BTF3L4: variants seen among roughly 807,000 people sequenced by gnomAD.
BTF3L4 encodes the protein basic transcription factor 3 like 4.
In BTF3L4, 6 loss-of-function variants were observed where a neutral mutation model predicts 16.8. That is an observed-to-expected ratio of 0.36 (90% confidence interval 0.20 to 0.71). BTF3L4 has a LOEUF of 0.71. BTF3L4 is among the 30% of genes least tolerant of loss of function. BTF3L4 has a pLI of 0.58. For synonymous variants in BTF3L4, 39 were observed against 59.8 expected (o/e 0.65, Z 1.60); for missense variants, 92 against 186.9 (o/e 0.49, Z 2.96).
At position 52,086,614 on chromosome 1, in the gene BTF3L4, T is replaced by C. The variant is rs1423815553; in HGVS notation, c.431-98T>C. On this transcript the variant is annotated intron_variant, in intron 5 of 5. Coordinates refer to ENST00000313334, the MANE Select transcript of BTF3L4 (RefSeq NM_152265.5). ...GTTTTCAGGCTAATTCTGGTTGTAC[T>C]AATTTTATTTTTTCGGGGGTTAGAA... The C allele has an allele frequency of 4.4e-6, 3 of 686,876 alleles. No individual in the cohort carries two copies. The East Asian group carries it at 8.2e-5, about 19-fold the overall frequency. 42.5% of individuals were successfully genotyped at this position (686,876 alleles called of 1,614,324 possible). A position where few individuals can be genotyped will look rare whatever the true frequency, so the allele number is the denominator to read the frequency against.
At position 52,064,939 on chromosome 1, in the gene BTF3L4, G is replaced by C; in HGVS notation, c.168+1G>C. The C allele has an allele frequency of 6.3e-7, 1 of 1,580,576 alleles. No homozygotes were observed. The highest frequency in any genetic ancestry group is 8.7e-7 in the Non-Finnish European group (1 of 1,153,492). On this transcript the variant is annotated splice_donor_variant, in intron 3 of 5. Coordinates refer to ENST00000313334, the MANE Select transcript of BTF3L4 (RefSeq NM_152265.5). LOFTEE classifies it high-confidence loss of function. ...GAATAATATAGCTGGTATTGAAGAG[G>C]TATGATCACTTTGCAAGTTGTTAAA...
intron 3 of BTF3L4, among the ~76,000 whole-genome samples, chr1:52,082,740 A>C (rs75684450): frequency 5.2e-4 from 2 of 3,810 alleles, no homozygotes; most frequent in Admixed American, 0.014. Context: ...TTCTGTCTCA[A>C]AAAAAAAAAA....
At chr1:52,080,994 C>G (rs1168979106) in intron 3 of BTF3L4, among the ~76,000 whole-genome samples, 1 of 151,894 alleles carries the variant, frequency 6.6e-6, no homozygotes, top group Non-Finnish European at 1.5e-5. Flanking sequence ...CACATGCCAC[C>G]ACACCCAGCT....
chr1:52,061,487 CA>C (rs1169709967), intron 2 of BTF3L4, among the ~76,000 whole-genome samples: 182 of 48,192 alleles, frequency 3.8e-3, no homozygotes, highest in Middle Eastern at 0.014. Flanking sequence ...GACTCCGTCT[CA>C]AAAAAAAAAA....
intron 3 of BTF3L4, among the ~76,000 whole-genome samples, chr1:52,065,820 C>T (rs1239736167): frequency 6.6e-6 from 1 of 151,992 alleles, no homozygotes; most frequent in Non-Finnish European, 1.5e-5. Context: ...GGCAGATCAT[C>T]TGAGGTCAGG....
At chr1:52,079,395 AAAG>A (rs935651382) in intron 3 of BTF3L4, among the ~76,000 whole-genome samples, 14 of 151,354 alleles carry the variant, frequency 9.2e-5, no homozygotes, top group South Asian at 2.1e-4. Context: ...AAAAAAAAAA[AAAG>A]AAAGAAAATA....
At chr1:52,061,481 C>G (rs957838882) in intron 2 of BTF3L4, among the ~76,000 whole-genome samples, 2 of 141,786 alleles carry the variant, frequency 1.4e-5, no homozygotes, top group Non-Finnish European at 3.0e-5. Context: ...GAGCAAGACT[C>G]CGTCTCAAAA....
chr1:52,074,367 ATT>A (rs754757886), intron 3 of BTF3L4, among the ~76,000 whole-genome samples: 11 of 138,368 alleles, frequency 7.9e-5, no homozygotes, highest in East Asian at 2.1e-4. Flanking sequence ...CAACCAGCTA[ATT>A]TTTTTTTTTT....
At chr1:52,081,741 AT>A (rs1373513187) in intron 3 of BTF3L4, among the ~76,000 whole-genome samples, 1 of 152,236 alleles carries the variant, frequency 6.6e-6, no homozygotes, top group Non-Finnish European at 1.5e-5. Context: ...CCTAAGTGTA[AT>A]AGTGAGAGAG....
intron 3 of BTF3L4, among the ~76,000 whole-genome samples, chr1:52,075,129 T>C (rs987229542): frequency 6.6e-6 from 1 of 152,220 alleles, no homozygotes; most frequent in Non-Finnish European, 1.5e-5. Context: ...CTTTTAATCA[T>C]GTGTAGGTAT....
chr1:52,085,993 A>G (rs893780346), intron 4 of BTF3L4, 119 bp from the exon 5 acceptor site: 4 of 530,740 alleles, frequency 7.5e-6, no homozygotes, highest in Non-Finnish European at 1.3e-5. Flanking sequence ...TAGATTGACA[A>G]TATTTAGCTA....
intron 2 of BTF3L4, among the ~76,000 whole-genome samples, chr1:52,062,747 T>G (rs1017266377): frequency 1.3e-5 from 2 of 152,186 alleles, no homozygotes; most frequent in Non-Finnish European, 2.9e-5. Context: ...ATTGAGACGC[T>G]ATTGCTAGAG....
chr1:52,086,269 T>G (rs1643972143), intron 5 of BTF3L4, 98 bp downstream of exon 5: 3 of 878,352 alleles, frequency 3.4e-6, no homozygotes, highest in Non-Finnish European at 5.2e-6. Context: ...GATTGTAAGC[T>G]CATGAATTTA....
At chr1:52,069,594 AG>A (rs1458864673) in intron 3 of BTF3L4, among the ~76,000 whole-genome samples, 1 of 152,174 alleles carries the variant, frequency 6.6e-6, no homozygotes, top group Non-Finnish European at 1.5e-5. Context: ...TGCCTTTTTG[AG>A]TTTTGGCAGT....
chr1:52,062,247 G>T (rs1686533634), intron 2 of BTF3L4, among the ~76,000 whole-genome samples: 1 of 126,954 alleles, frequency 7.9e-6, no homozygotes, highest in Non-Finnish European at 1.6e-5. Context: ...TGTCACCCAG[G>T]CTGGAGTGCA....
At chr1:52,060,637 G>A (rs759188223) in intron 2 of BTF3L4, 4 of 1,083,264 alleles carry the variant, frequency 3.7e-6, no homozygotes, top group African/African-American at 1.6e-5. Context: ...AGAAAGAATA[G>A]TACTTACCTC....
Position 52,059,868 on chromosome 1 carries a change from C to T in BTF3L4, c.21C>T (p.Ala7=). 1 of 1,613,122 alleles carries T rather than the reference C, an allele frequency of 6.2e-7. No individual in the cohort carries two copies. Among genetic ancestry groups the T allele is most frequent in the Non-Finnish European group, 8.5e-7 (1 of 1,179,512 alleles). The change falls in exon 2 of 6, where the codon GCC becomes GCT. Residue 7 remains alanine, a synonymous_variant. Coordinates refer to ENST00000313334, the MANE Select transcript of BTF3L4 (RefSeq NM_152265.5). ...ACAGCATGAATCAAGAAAAGTTAGC[C>T]AAACTTCAGGCTCAGGTCCGGATAG... MNQEKL[A]KLQAQVRIGG... is the part of the protein sequence containing the mutation.
At chr1:52,067,163 G>C (rs1038980286) in intron 3 of BTF3L4, among the ~76,000 whole-genome samples, 12 of 152,168 alleles carry the variant, frequency 7.9e-5, no homozygotes, top group Non-Finnish European at 1.6e-4. Flanking sequence ...TTGAACCCAG[G>C]AGGCAGAGGT....
chr1:52,080,725 T>C (rs1483115656), intron 3 of BTF3L4, among the ~76,000 whole-genome samples: 3 of 151,452 alleles, frequency 2.0e-5, no homozygotes, highest in African/African-American at 7.3e-5. Context: ...GTAGAGACAG[T>C]GTTTCACCAT....
Sources: gnomAD v4.1 joint callset for allele counts (sites outside exome capture counted in the v4.1 genomes callset) on GRCh38, gnomAD v4.1.1 for gene constraint, MANE v1.5 for transcripts, NCBI Gene and HGNC (gene_info 2026-07-23, HGNC 2026-07-21) for gene names.